LRP1: variants seen among roughly 807,000 people sequenced by gnomAD.
The protein encoded by LRP1 is LDL receptor related protein 1, also known as prolow-density lipoprotein receptor-related protein 1.
In LRP1, 51 loss-of-function variants were observed where a neutral mutation model predicts 541.5. The ratio of observed to expected loss-of-function variants is 0.09; its 90% CI spans 0.08 to 0.12. The LOEUF is 0.12. Among genes scored for constraint, LRP1 ranks in the 10% least tolerant of loss-of-function variants. The pLI is 1.00. For missense variants in LRP1, 3,878 were observed against 6,376.2 expected, an observed-to-expected ratio of 0.61 and a Z score of 13.34; for synonymous variants, 2,219 against 2,470.8, an observed-to-expected ratio of 0.90 and a Z score of 3.02.
At chr12:57,153,448 T>A (rs1479395566) in intron 6 of LRP1, among the ~76,000 whole-genome samples, 2 of 152,208 alleles carry the variant, frequency 1.3e-5, no homozygotes, top group African/African-American at 4.8e-5. Context: ...AAGCCCCATC[T>A]CTTTCTGAGC....
At chr12:57,170,651 C>T (rs2136692571) in intron 20 of LRP1, among the ~76,000 whole-genome samples, 1 of 152,148 alleles carries the variant, frequency 6.6e-6, no homozygotes, top group South Asian at 2.1e-4. Context: ...AGACCCCTTT[C>T]TCTACAAAAA....
chr12:57,193,913 G>A lies in LRP1; in HGVS notation c.7819G>A (p.Val2607Met), dbSNP rs2036470035. 1 of 1,614,088 alleles carries A rather than the reference G, an allele frequency of 6.2e-7. No individual in the cohort carries two copies. Among genetic ancestry groups the A allele is most frequent in the Non-Finnish European group, 8.5e-7 (1 of 1,179,992 alleles). Reference protein sequence around the residue: ...EIPCNKTACGVGEFRCRDGTC... With the variant: ...EIPCNKTACGMGEFRCRDGTC... ...CACTGTTCTAGAGACAGCCTGTGGT[G>A]TGGGCGAGTTCCGCTGCCGGGACGG... Residue 2607 changes from valine to methionine, a missense_variant, in exon 48 of 89, where the codon GTG becomes ATG. By Grantham distance (21) the Val-to-Met change is conservative. Coordinates refer to ENST00000243077, the MANE Select transcript of LRP1 (RefSeq NM_002332.3).
Position 57,185,227 on chromosome 12 carries a change from G to A in LRP1, c.6463+22G>A, listed in dbSNP as rs373632269. 1.1e-5 allele frequency: 17 copies of A among 1,613,246 alleles called. No homozygotes were observed. The highest frequency in any genetic ancestry group is 1.0e-4 in the Admixed American group (6 of 59,968). On this transcript the variant is annotated intron_variant, in intron 40 of 88. Transcript: ENST00000243077. This position sits in a 1 kb window ranked among gnomAD's most constrained non-coding sequence, Gnocchi z 4.9. ...AAAGGTGAGGCTGGGGCTCTGGGCT[G>A]GGGTGGAGAGGTGAGGGGGACTCTG...
At chr12:57,150,902 A>ATG (rs1332247598) in intron 6 of LRP1, among the ~76,000 whole-genome samples, 1 of 151,988 alleles carries the variant, frequency 6.6e-6, no homozygotes, top group Non-Finnish European at 1.5e-5. Context: ...GCAGAGCAGA[A>ATG]TGATATGAGG....
chr12:57,212,549 G>A lies in LRP1; in HGVS notation c.13629G>A (p.Leu4543=), dbSNP rs2036940755. Residue 4543 remains leucine, a synonymous_variant, in exon 89 of 89, where the codon TTG becomes TTA. Coordinates refer to ENST00000243077, the MANE Select transcript of LRP1 (RefSeq NM_002332.3). This position sits in a 1 kb window ranked among gnomAD's most constrained non-coding sequence, Gnocchi z 5.0. ...CTGAGGACGAGATAGGGGACCCCTT[G>A]GCATAGGGCCCTGCCCCGTCGGACT... ...RGPEDEIGDP[L]A is the part of the protein sequence containing the mutation. The A allele has an allele frequency of 6.2e-7, 1 of 1,605,780 alleles. No individual in the cohort carries two copies. Among genetic ancestry groups the A allele is most frequent in the Non-Finnish European group, 8.5e-7 (1 of 1,175,642 alleles).
chr12:57,153,731 A>G (rs1243307353), intron 6 of LRP1, among the ~76,000 whole-genome samples: 1 of 152,116 alleles, frequency 6.6e-6, no homozygotes, highest in Non-Finnish European at 1.5e-5. Context: ...TGGGTTTATT[A>G]GCGTGTACCC....
At position 57,162,223 on chromosome 12, in the gene LRP1, C is replaced by G. The variant is rs1359843251; in HGVS notation, c.2203-94C>G. The G allele has an allele frequency of 8.9e-7, 1 of 1,123,958 alleles. No homozygotes were observed. Among genetic ancestry groups the G allele is most frequent in the Non-Finnish European group, 1.3e-6 (1 of 743,024 alleles). 69.6% of individuals were successfully genotyped at this position (1,123,958 alleles called of 1,614,324 possible). Reference sequence around the variant, plus strand: ...GGGGGAAACAAAGCAAAACCCATGCCCAGGACATAGACAAATGAATGTACA... The same window carrying G: ...GGGGGAAACAAAGCAAAACCCATGCGCAGGACATAGACAAATGAATGTACA... On this transcript the variant is annotated intron_variant, in intron 13 of 88. Coordinates refer to ENST00000243077, the MANE Select transcript of LRP1 (RefSeq NM_002332.3). The surrounding 1 kb of genome is among the most constrained non-coding windows in gnomAD (Gnocchi z 5.2).
chr12:57,166,418 G>A (rs547891157), intron 17 of LRP1: 221 of 587,284 alleles, frequency 3.8e-4, no homozygotes, highest in Non-Finnish European at 4.4e-4. Context: ...AAAAACTGCC[G>A]GGCGTGGTGG....
intron 6 of LRP1, chr12:57,149,156 C>A (rs2035476655): frequency 4.5e-6 from 2 of 448,670 alleles, no homozygotes; most frequent in Admixed American, 7.8e-5. Flanking sequence ...TCCCACCCTG[C>A]CTACAAAGCA....
At chr12:57,203,127 G>A (rs574065048) in intron 68 of LRP1, 54 bp from the exon 69 acceptor site, 1 of 1,291,734 alleles carries the variant, frequency 7.7e-7, no homozygotes, top group South Asian at 1.4e-5. Flanking sequence ...CACTACTGAG[G>A]CCTGGAGTCC....
chr12:57,200,398 C>T, intron 62 of LRP1, 44 bp from the exon 63 acceptor site: 2 of 1,120,394 alleles, frequency 1.8e-6, no homozygotes, highest in South Asian at 1.3e-5. Context: ...CTTCTGAGTC[C>T]CCCAGACCCC....
chr12:57,205,472 G>C lies in LRP1; in HGVS notation c.11457G>C (p.Gln3819His). The change falls in exon 74 of 89, where the codon CAG becomes CAC. Residue 3819 changes from glutamine to histidine, a missense_variant. Physicochemically the swap from Gln to His is conservative, Grantham distance 24. Coordinates refer to ENST00000243077, the MANE Select transcript of LRP1 (RefSeq NM_002332.3). This position sits in a 1 kb window ranked among gnomAD's most constrained non-coding sequence, Gnocchi z 4.6. Reference protein sequence around the residue: ...CRSGFHTVPGQPGCQDINECL... With the variant: ...CRSGFHTVPGHPGCQDINECL... The stretch of plus-strand genomic sequence containing the variant: ...CGGGCTTCCACACCGTGCCCGGCCA[G>C]CCCGGATGCCAAGGTAGGAAAGCGG... The C allele has an allele frequency of 4.3e-6, 7 of 1,610,926 alleles. No individual in the cohort carries two copies. The South Asian group carries it at 7.7e-5, about 18-fold the overall frequency.
chr12:57,145,551 C>T (rs2035388383), intron 6 of LRP1, 61 bp downstream of exon 6: 3 of 1,581,122 alleles, frequency 1.9e-6, no homozygotes, highest in Admixed American at 1.7e-5. Context: ...GGAAGGTGGA[C>T]CCTATCTTGA....
At chr12:57,146,592 G>C (rs544244456) in intron 6 of LRP1, 4 of 152,350 alleles carry the variant, frequency 2.6e-5, no homozygotes, top group African/African-American at 9.6e-5. Context: ...CCCTCCCCGG[G>C]ATGGTGGCGA....
intron 34 of LRP1, 125 bp downstream of exon 34, chr12:57,181,416 G>A (rs2036164983): frequency 8.2e-7 from 1 of 1,216,428 alleles, no homozygotes; most frequent in South Asian, 1.6e-5. Flanking sequence ...AGGGGACACT[G>A]GACTATGAAG....
chr12:57,181,999 T>G (rs2036175470), intron 34 of LRP1, among the ~76,000 whole-genome samples: 1 of 152,220 alleles, frequency 6.6e-6, no homozygotes, highest in Admixed American at 6.5e-5. Context: ...TTAAAAGTGT[T>G]TTGTGCTGCA....
In LRP1 at chr12:57,201,718, C is replaced by T; in HGVS notation, c.10469-62C>T. ...CTCAGTGGCTGCTCCCTCACTCTCC[C>T]CACCCTCCCGGCACACTCCTGGAAG... On this transcript the variant is annotated intron_variant, in intron 66 of 88. Coordinates refer to ENST00000243077, the MANE Select transcript of LRP1 (RefSeq NM_002332.3). This position sits in a 1 kb window ranked among gnomAD's most constrained non-coding sequence, Gnocchi z 6.4. 6.3e-7 allele frequency: 1 copy of T among 1,599,806 alleles called. No individual in the cohort carries two copies. The highest frequency in any genetic ancestry group is 8.5e-7 in the Non-Finnish European group (1 of 1,170,002).
chr12:57,180,213 C>G, intron 31 of LRP1, 72 bp downstream of exon 31: 1 of 1,572,880 alleles, frequency 6.4e-7, no homozygotes, highest in Non-Finnish European at 8.7e-7. Context: ...CAGGGTCCTT[C>G]AGTTGCCCCT....
intron 60 of LRP1, 104 bp downstream of exon 60, chr12:57,198,774 C>G (rs1800168): frequency 8.6e-7 from 1 of 1,160,272 alleles, no homozygotes; most frequent in Non-Finnish European, 1.2e-6. Context: ...ACATAAAAAG[C>G]GGAGGATATG....
Sources: allele counts gnomAD v4.1 joint callset (sites outside exome capture counted in the v4.1 genomes callset), GRCh38; gene constraint gnomAD v4.1.1; non-coding constraint Gnocchi (gnomAD v3.1); transcripts MANE v1.5; gene names NCBI Gene and HGNC (gene_info 2026-07-23, HGNC 2026-07-21).